The following LAMP1 variants were observed in gnomAD, a reference collection of about 807,000 sequenced individuals.
The protein encoded by LAMP1 is lysosome-associated membrane glycoprotein 1.
In LAMP1, 7 loss-of-function variants were observed where a neutral mutation model predicts 37.5. The observed-to-expected ratio is 0.19, with a 90% CI of 0.11 to 0.35. The LOEUF (loss-of-function observed/expected upper bound fraction) is 0.35. LAMP1 is among the 10% of genes least tolerant of loss of function. LAMP1 has a pLI of 1.00. For missense variants in LAMP1, 537 were observed against 552.8 expected, an observed-to-expected ratio of 0.97 and a Z score of 0.29; for synonymous variants, 236 against 229.1, an observed-to-expected ratio of 1.03 and a Z score of -0.27.
intron 4 of LAMP1, among the ~76,000 whole-genome samples, chr13:113,314,887 G>A (rs1229671339): frequency 8.0e-6 from 1 of 124,614 alleles, no homozygotes; most frequent in Non-Finnish European, 1.7e-5. Context: ...CCTGGGGCGT[G>A]GCCTCCTAGA....
At chr13:113,309,207 C>A (rs1447553790) in intron 2 of LAMP1, among the ~76,000 whole-genome samples, 1 of 152,130 alleles carries the variant, frequency 6.6e-6, no homozygotes, top group Non-Finnish European at 1.5e-5. Context: ...CTCAAGCAAT[C>A]CTCCTGCCTC....
At chr13:113,301,481 G>A (rs2042570751) in intron 1 of LAMP1, among the ~76,000 whole-genome samples, 1 of 151,566 alleles carries the variant, frequency 6.6e-6, no homozygotes, top group Admixed American at 6.6e-5. Flanking sequence ...AAATTAGTCG[G>A]GCATGGTGGC....
chr13:113,305,885 A>G (rs1314940283), intron 1 of LAMP1: 1 of 152,380 alleles, frequency 6.6e-6, no homozygotes. Flanking sequence ...TGATGCAGAA[A>G]TTGACATGTG....
chr13:113,309,455 C>G (rs537135221), intron 2 of LAMP1, among the ~76,000 whole-genome samples, 188 bp from the exon 3 acceptor site: 2 of 152,280 alleles, frequency 1.3e-5, no homozygotes, highest in East Asian at 3.9e-4. Context: ...ACCTGAAATA[C>G]TTTTCAGTCT....
intron 1 of LAMP1, among the ~76,000 whole-genome samples, chr13:113,298,076 T>A (rs2042552220): frequency 6.6e-6 from 1 of 152,236 alleles, no homozygotes; most frequent in Non-Finnish European, 1.5e-5. Context: ...ACATGTATGT[T>A]AAAATAATTT....
Position 113,319,666 on chromosome 13 carries a change from G to C in LAMP1, c.750+10G>C, listed in dbSNP as rs761179281. ...GAGGAAGGACAACACGGTAGGGCTGGGGCCTCACCTGGGAGAGGGGGACGG... is the reference window on the plus strand; with the variant it reads ...GAGGAAGGACAACACGGTAGGGCTGCGGCCTCACCTGGGAGAGGGGGACGG... On this transcript the variant is annotated intron_variant, in intron 5 of 8. Transcript: ENST00000332556. 3 of 1,605,736 alleles carry C rather than the reference G, an allele frequency of 1.9e-6. No individual in the cohort carries two copies. Among genetic ancestry groups the C allele is most frequent in the Non-Finnish European group, 2.5e-6 (3 of 1,176,780 alleles).
intron 1 of LAMP1, among the ~76,000 whole-genome samples, chr13:113,298,124 A>G (rs1256531432): frequency 6.6e-6 from 1 of 152,222 alleles, no homozygotes; most frequent in African/African-American, 2.4e-5. Context: ...ATTCCGTAGT[A>G]GACAAGATGA....
chr13:113,302,802 C>T (rs1190674731), intron 1 of LAMP1, among the ~76,000 whole-genome samples: 5 of 152,126 alleles, frequency 3.3e-5, no homozygotes, highest in Non-Finnish European at 7.4e-5. Context: ...AGAAGTGGCA[C>T]GTCCTGTGAG....
rs571317532 is a variant in LAMP1 at position 113,298,599 on chromosome 13, A to G, written c.61+1104A>G. Among the ~76,000 whole-genome samples, 93 of 152,306 alleles carry G rather than the reference A, an allele frequency of 6.1e-4. 1 individual carries two copies. The South Asian group carries it at 0.014, about 23-fold the overall frequency. On this transcript the variant is annotated intron_variant, in intron 1 of 8. Transcript: ENST00000332556. ...TGTAAAACTCTGTTACTGTGAGTGA[A>G]TGGATCTTGGCTTCCCTTTTTTGTT...
intron 1 of LAMP1, chr13:113,305,576 C>T (rs968520441): frequency 6.6e-6 from 1 of 152,128 alleles, no homozygotes; most frequent in African/African-American, 2.4e-5. Context: ...TAGCAGTGAC[C>T]ACTGTCCAGC....
At chr13:113,308,207 G>T (rs2042610246) in intron 2 of LAMP1, among the ~76,000 whole-genome samples, 1 of 151,746 alleles carries the variant, frequency 6.6e-6, no homozygotes, top group South Asian at 2.1e-4. Flanking sequence ...GTAGAGACGG[G>T]GTTTTGCTAT....
intron 1 of LAMP1, among the ~76,000 whole-genome samples, chr13:113,300,037 A>G (rs1200654752): frequency 6.6e-6 from 1 of 152,210 alleles, no homozygotes; most frequent in Non-Finnish European, 1.5e-5. Flanking sequence ...CTGTGTTTGA[A>G]TACTTAGAAA....
intron 1 of LAMP1, among the ~76,000 whole-genome samples, chr13:113,301,085 T>A (rs1196222348): frequency 6.6e-6 from 1 of 152,214 alleles, no homozygotes; most frequent in African/African-American, 2.4e-5. Context: ...GTATCTCCCT[T>A]CCTTAACTGA....
intron 4 of LAMP1, among the ~76,000 whole-genome samples, chr13:113,312,762 C>T (rs1016254272): frequency 6.6e-6 from 1 of 152,096 alleles, no homozygotes; most frequent in East Asian, 1.9e-4. Context: ...TCACATGGGC[C>T]GCGTGTGTCT....
chr13:113,303,283 CG>C (rs1181709157), intron 1 of LAMP1, among the ~76,000 whole-genome samples: 1 of 152,174 alleles, frequency 6.6e-6, no homozygotes, highest in Non-Finnish European at 1.5e-5. Context: ...CTTCCCACAG[CG>C]GCACTTGTTT....
Position 113,309,799 on chromosome 13 carries a change from C to G in LAMP1, c.340C>G (p.Gln114Glu). 1 of 1,614,054 alleles carries G rather than the reference C, an allele frequency of 6.2e-7. No individual in the cohort carries two copies. The highest frequency in any genetic ancestry group is 8.5e-7 in the Non-Finnish European group (1 of 1,180,032). Residue 114 changes from glutamine (Q) to glutamate (E), a missense_variant, in exon 3 of 9, where the codon CAG (glutamine) becomes GAG (glutamate). Physicochemically the swap from Gln to Glu is conservative, Grantham distance 29. Coordinates refer to ENST00000332556, the MANE Select transcript of LAMP1 (RefSeq NM_005561.4). ...GAGAAATGCAACACGTTACAGCGTCCAGCTCATGAGTTTTGTTTATAACTT... is the reference window on the plus strand; with the variant it reads ...GAGAAATGCAACACGTTACAGCGTCGAGCTCATGAGTTTTGTTTATAACTT... ...FTRNATRYSV[Q>E]LMSFVYNLSD...
At position 113,321,860 on chromosome 13, in the gene LAMP1, C is replaced by A; in HGVS notation, c.1114+133C>A. 6.8e-6 allele frequency: 6 copies of A among 886,360 alleles called. No homozygotes were observed. In the South Asian group the frequency reaches 8.4e-5, roughly 12 times the overall value. 54.9% of individuals were successfully genotyped at this position (886,360 alleles called of 1,614,324 possible). ...TCTGCAAGGAGCTGTTTCTTCTTGC[C>A]GGTCTGAGATTCTAGAGGTAACTCC... On this transcript the variant is annotated intron_variant, in intron 8 of 8. Transcript: ENST00000332556. This position sits in a 1 kb window ranked among gnomAD's most constrained non-coding sequence, Gnocchi z 5.6.
chr13:113,320,206 G>A lies in LAMP1; in HGVS notation c.751-139G>A, dbSNP rs2042690138. 7.2e-6 allele frequency: 7 copies of A among 976,914 alleles called. No homozygotes were observed. In the Admixed American group the frequency reaches 1.3e-4, roughly 18 times the overall value. 60.5% of individuals were successfully genotyped at this position (976,914 alleles called of 1,614,324 possible). ...TCTTGGGATCCCGAAATCTGTACTA[G>A]TGTGGTCTTTCAGTGTTTTCCTTCT... On this transcript the variant is annotated intron_variant, in intron 5 of 8. Transcript: ENST00000332556. The surrounding 1 kb of genome is among the most constrained non-coding windows in gnomAD (Gnocchi z 4.4).
intron 4 of LAMP1, among the ~76,000 whole-genome samples, chr13:113,318,950 C>A (rs2042681793): frequency 6.6e-6 from 1 of 152,240 alleles, no homozygotes; most frequent in African/African-American, 2.4e-5. Context: ...TCTGTGTGTG[C>A]TGCAGACCCT....
Sources: gnomAD v4.1 joint callset for allele counts (sites outside exome capture counted in the v4.1 genomes callset) on GRCh38, gnomAD v4.1.1 for gene constraint, Gnocchi (gnomAD v3.1) non-coding constraint, MANE v1.5 for transcripts, NCBI Gene and HGNC (gene_info 2026-07-23, HGNC 2026-07-21) for gene names.